GSG1L: variants seen among roughly 807,000 people sequenced by gnomAD.
GSG1L encodes germ cell-specific gene 1-like protein.
A neutral mutation model predicts 42.1 loss-of-function variants in GSG1L; 24 were observed. The ratio of observed to expected loss-of-function variants is 0.57; its 90% CI spans 0.41 to 0.80. The LOEUF (loss-of-function observed/expected upper bound fraction) is 0.80. GSG1L is among the 30% of genes least tolerant of loss of function. The pLI, the probability that GSG1L is intolerant of heterozygous loss-of-function variation, is 0.00. For missense variants in GSG1L, 445 were observed against 472.2 expected (o/e 0.94, Z 0.53); for synonymous variants, 215 against 203.5 (o/e 1.06, Z -0.48).
chr16:27,840,018 G>T (rs978523332), intron 4 of GSG1L, among the ~76,000 whole-genome samples: 2 of 148,444 alleles, frequency 1.3e-5, no homozygotes, highest in African/African-American at 5.0e-5. Flanking sequence ...CAAAGTAGGT[G>T]TAGTAACCTT....
chr16:28,012,893 CAA>C (rs34003980), intron 1 of GSG1L, among the ~76,000 whole-genome samples: 2 of 128,494 alleles, frequency 1.6e-5, no homozygotes, highest in Admixed American at 7.9e-5. Flanking sequence ...CAAGAACTCT[CAA>C]AAAAAAAAAA....
At chr16:28,046,712 C>T (rs1039470703) in intron 1 of GSG1L, among the ~76,000 whole-genome samples, 1 of 152,102 alleles carries the variant, frequency 6.6e-6, no homozygotes, top group Non-Finnish European at 1.5e-5. Flanking sequence ...CTCCCTGGCT[C>T]CCAGGCTCAC....
chr16:27,927,286 A>C lies in GSG1L; in HGVS notation c.397+35870T>G, dbSNP rs183290489. On this transcript the variant is annotated intron_variant, in intron 2 of 6. Transcript: ENST00000447459. ...CACCTCAGCCTCCCAAGTAGCTGGG[A>C]CCACGGGTACGTGCCTAATTTTTCA... is the stretch of plus-strand genomic sequence containing the variant. Among the ~76,000 whole-genome samples the C allele has an allele frequency of 1.8e-3, 272 of 152,138 alleles. 4 individuals carry two copies. The South Asian group carries it at 0.033, about 18-fold the overall frequency.
intron 1 of GSG1L, among the ~76,000 whole-genome samples, chr16:28,006,295 T>TTTTTTTTA (rs374242585): frequency 4.7e-5 from 7 of 148,968 alleles, no homozygotes; most frequent in African/African-American, 1.2e-4. Context: ...CTTGATTGTA[T>TTTTTTTTA]TTTATTTATT....
At chr16:27,957,506 C>T (rs918282974) in intron 2 of GSG1L, among the ~76,000 whole-genome samples, 1 of 152,174 alleles carries the variant, frequency 6.6e-6, no homozygotes, top group Non-Finnish European at 1.5e-5. Context: ...TACTGTCTTG[C>T]CAGTGGTACT....
chr16:27,915,094 C>A (rs1567516946), intron 2 of GSG1L, among the ~76,000 whole-genome samples: 3 of 151,904 alleles, frequency 2.0e-5, no homozygotes, highest in African/African-American at 2.4e-5. Context: ...TAAGCCGCTA[C>A]CAAGCAGGTA....
intron 1 of GSG1L, among the ~76,000 whole-genome samples, chr16:27,986,270 C>T (rs1425802349): frequency 6.6e-6 from 1 of 152,132 alleles, no homozygotes; most frequent in African/African-American, 2.4e-5. Context: ...GAGGCCAAGG[C>T]AGGCAGATCT....
chr16:27,930,980 G>A (rs1236176105), intron 2 of GSG1L, among the ~76,000 whole-genome samples: 2 of 152,100 alleles, frequency 1.3e-5, no homozygotes, highest in Non-Finnish European at 2.9e-5. Flanking sequence ...TTGAACTCCT[G>A]GGCTCAAGTG....
At chr16:27,947,985 C>A (rs912583348) in intron 2 of GSG1L, among the ~76,000 whole-genome samples, 3 of 152,270 alleles carry the variant, frequency 2.0e-5, no homozygotes, top group African/African-American at 4.8e-5. Flanking sequence ...ACAAGTGTCA[C>A]CCCCATGGTG....
chr16:27,902,091 T>C (rs893588097), intron 2 of GSG1L, among the ~76,000 whole-genome samples: 3 of 152,204 alleles, frequency 2.0e-5, no homozygotes, highest in African/African-American at 7.2e-5. Context: ...AGTGGTGTTA[T>C]TCACTGGTTT....
At chr16:27,964,824 C>A (rs118036722) in intron 1 of GSG1L, among the ~76,000 whole-genome samples, 2,569 of 152,002 alleles carry the variant, frequency 0.017, 26 homozygotes, top group Non-Finnish European at 0.025. Context: ...TTAACAGGTA[C>A]AAAAAATAGT....
intron 2 of GSG1L, among the ~76,000 whole-genome samples, chr16:27,961,883 T>C (rs1489203618): frequency 2.0e-5 from 3 of 152,138 alleles, no homozygotes; most frequent in African/African-American, 7.2e-5. Context: ...GTGGGTTCCC[T>C]GTCTCTTGCC....
At chr16:28,026,927 CA>C (rs1567560788) in intron 1 of GSG1L, among the ~76,000 whole-genome samples, 1 of 152,050 alleles carries the variant, frequency 6.6e-6, no homozygotes, top group African/African-American at 2.4e-5. Context: ...ACTAAAAATA[CA>C]AAAATTAGCC....
At chr16:27,992,847 A>G (rs1469135494) in intron 1 of GSG1L, among the ~76,000 whole-genome samples, 6 of 152,160 alleles carry the variant, frequency 3.9e-5, no homozygotes, top group Non-Finnish European at 7.4e-5. Flanking sequence ...AGATCTCATC[A>G]TGAGTCAGAT....
At chr16:27,816,205 C>T (rs2083091640) in intron 5 of GSG1L, among the ~76,000 whole-genome samples, 1 of 152,240 alleles carries the variant, frequency 6.6e-6, no homozygotes, top group African/African-American at 2.4e-5. Context: ...CCTCCCCAAA[C>T]ACACACTCCT....
chr16:27,923,840 G>C (rs2141065900), intron 2 of GSG1L, among the ~76,000 whole-genome samples: 1 of 152,116 alleles, frequency 6.6e-6, no homozygotes. Flanking sequence ...AAATAGTGTT[G>C]TGGGAGCCAT....
At position 28,018,664 on chromosome 16, in the gene GSG1L, A is replaced by G. The variant is rs192524993; in HGVS notation, c.349+44412T>C. On this transcript the variant is annotated intron_variant, in intron 1 of 6. Transcript: ENST00000447459. ...AAAGAAGAGGGAACGGCCATTGTGCAGGAAACCACAATGCCACCTTCCCCC... is the reference window on the plus strand; with the variant it reads ...AAAGAAGAGGGAACGGCCATTGTGCGGGAAACCACAATGCCACCTTCCCCC... Among the ~76,000 whole-genome samples the G allele has an allele frequency of 4.3e-4, 66 of 152,274 alleles. No individual in the cohort carries two copies. The East Asian group carries it at 7.0e-3, about 16-fold the overall frequency.
intron 3 of GSG1L, among the ~76,000 whole-genome samples, chr16:27,847,775 G>C (rs772967): frequency 0.67 from 101,366 of 152,118 alleles, 34,474 homozygotes; most frequent in African/African-American, 0.82. Flanking sequence ...AGCACCTCCC[G>C]CTTCACTCTC....
rs139094674 is a variant in GSG1L at position 27,808,050 on chromosome 16, G to C, written c.831-496C>G. Among the ~76,000 whole-genome samples, 1,052 of 152,238 alleles carry C rather than the reference G, an allele frequency of 6.9e-3. 7 individuals are homozygous for C. Among genetic ancestry groups the C allele is most frequent in the Middle Eastern group, 0.02 (6 of 294 alleles). On this transcript the variant is annotated intron_variant, in intron 5 of 6. Coordinates refer to ENST00000447459, the MANE Select transcript of GSG1L (RefSeq NM_001109763.2). Reference sequence around the variant, plus strand: ...TTGCTAACTTTATTTTCTGATGGGGGGCAACAGGCTCTTCTTCGCTAAGCA... The same window carrying C: ...TTGCTAACTTTATTTTCTGATGGGGCGCAACAGGCTCTTCTTCGCTAAGCA...
Sources: gnomAD v4.1 joint callset for allele counts (sites outside exome capture counted in the v4.1 genomes callset) on GRCh38, gnomAD v4.1.1 for gene constraint, MANE v1.5 for transcripts, NCBI Gene and HGNC (gene_info 2026-07-23, HGNC 2026-07-21) for gene names.